The following JAKMIP1 variants were observed in gnomAD, a reference collection of about 807,000 sequenced individuals.
JAKMIP1 encodes the protein janus kinase and microtubule interacting protein 1, also known as janus kinase and microtubule-interacting protein 1.
Under a neutral mutation model 113.0 loss-of-function variants are expected in JAKMIP1, and 33 were observed. The ratio of observed to expected loss-of-function variants is 0.29; its 90% CI spans 0.22 to 0.39. JAKMIP1 has a LOEUF of 0.39. JAKMIP1 is among the 10% of genes least tolerant of loss of function. The pLI is 1.00. For missense variants in JAKMIP1, 813 were observed against 1,080.5 expected, an observed-to-expected ratio of 0.75 and a Z score of 3.47; for synonymous variants, 480 against 459.9, an observed-to-expected ratio of 1.04 and a Z score of -0.56.
chr4:6,112,405 G>C (rs1715080026), intron 2 of JAKMIP1, among the ~76,000 whole-genome samples: 1 of 152,170 alleles, frequency 6.6e-6, no homozygotes, highest in South Asian at 2.1e-4. Flanking sequence ...TCCTCGAATC[G>C]TTCTTTGCTC....
At chr4:6,119,755 C>A (rs1448304081) in intron 1 of JAKMIP1, among the ~76,000 whole-genome samples, 1 of 152,194 alleles carries the variant, frequency 6.6e-6, no homozygotes, top group Non-Finnish European at 1.5e-5. Flanking sequence ...AGTCACAATT[C>A]ACAACCTGCA....
At chr4:6,110,406 C>T (rs1294203506) in intron 2 of JAKMIP1, among the ~76,000 whole-genome samples, 1 of 151,554 alleles carries the variant, frequency 6.6e-6, no homozygotes, top group Non-Finnish European at 1.5e-5. Flanking sequence ...CAGCAATCGT[C>T]TGTTGCGTAA....
chr4:6,050,720 T>C lies in JAKMIP1; in HGVS notation c.1807-41A>G. On this transcript the variant is annotated intron_variant, in intron 13 of 20. Coordinates refer to ENST00000409021, the MANE Select transcript of JAKMIP1 (RefSeq NM_001099433.2). This position sits in a 1 kb window ranked among gnomAD's most constrained non-coding sequence, Gnocchi z 7.4. ...GGTTTAAAAACAGAATGTGACCGGA[T>C]TATTTACCACTTGCCATTTTCCCAC... 6.8e-7 allele frequency: 1 copy of C among 1,462,098 alleles called. No homozygotes were observed. Among genetic ancestry groups the C allele is most frequent in the Non-Finnish European group, 9.4e-7 (1 of 1,066,278 alleles). The allele number at this position is 1,462,098 out of a possible 1,614,324, so 90.6% of individuals were successfully genotyped here.
At chr4:6,105,361 G>T in intron 3 of JAKMIP1, 112 bp downstream of exon 3, 1 of 1,167,922 alleles carries the variant, frequency 8.6e-7, no homozygotes, top group Non-Finnish European at 1.2e-6. Context: ...TGGGGCCCCA[G>T]TGCTTTGAAC....
chr4:6,049,519 G>T lies in JAKMIP1; in HGVS notation c.1962+300C>A, dbSNP rs1715397076. ...AGCTCATCTTTCAGGACGGCAAAAA[G>T]ATCCCTTTCTGATTTCAGCAATCTC... On this transcript the variant is annotated intron_variant, in intron 15 of 20. Coordinates refer to ENST00000409021, the MANE Select transcript of JAKMIP1 (RefSeq NM_001099433.2). This position sits in a 1 kb window ranked among gnomAD's most constrained non-coding sequence, Gnocchi z 7.0. Among the ~76,000 whole-genome samples the T allele has an allele frequency of 6.6e-6, 1 of 152,008 alleles. No homozygotes were observed. The highest frequency in any genetic ancestry group is 1.5e-5 in the Non-Finnish European group (1 of 68,008).
Position 6,181,133 on chromosome 4 carries a change from G to A in JAKMIP1, c.-148+19120C>T, listed in dbSNP as rs77304256. ...ACATCCTTTCTATACTCACCACCCC[G>A]TGTGGGCTTGATATGACTAGATGCT... On this transcript the variant is annotated intron_variant, in intron 1 of 20. Coordinates refer to ENST00000409021, the MANE Select transcript of JAKMIP1 (RefSeq NM_001099433.2). The surrounding 1 kb of genome is among the most constrained non-coding windows in gnomAD (Gnocchi z 5.4). 7.8e-4 allele frequency among the ~76,000 whole-genome samples: 118 copies of A among 152,150 alleles called. No homozygotes were observed. The highest frequency in any genetic ancestry group is 3.4e-3 in the Middle Eastern group (1 of 294).
intron 20 of JAKMIP1, among the ~76,000 whole-genome samples, chr4:6,029,494 C>T (rs377046943): frequency 9.9e-5 from 15 of 152,236 alleles, no homozygotes; most frequent in African/African-American, 2.2e-4. Flanking sequence ...GAGTTGGCCC[C>T]GGCCTGAAGA....
chr4:6,097,822 A>G lies in JAKMIP1; in HGVS notation c.624+7651T>C, dbSNP rs1578222308. Among the ~76,000 whole-genome samples, 1 of 152,218 alleles carries G rather than the reference A, an allele frequency of 6.6e-6. No homozygotes were observed. The highest frequency in any genetic ancestry group is 2.4e-5 in the African/African-American group (1 of 41,456). On this transcript the variant is annotated intron_variant, in intron 3 of 20. Coordinates refer to ENST00000409021, the MANE Select transcript of JAKMIP1 (RefSeq NM_001099433.2). This position sits in a 1 kb window ranked among gnomAD's most constrained non-coding sequence, Gnocchi z 4.3. Reference sequence around the variant, plus strand: ...TCCTTAGGCAGCTTGGAGAAACGCAATCTGGTTCCCTTGATCAAAAGCACC... The same window carrying G: ...TCCTTAGGCAGCTTGGAGAAACGCAGTCTGGTTCCCTTGATCAAAAGCACC...
In JAKMIP1 at chr4:6,048,907, C is replaced by T. The variant is rs781633336; in HGVS notation, c.1978G>A (p.Glu660Lys). Reference protein sequence around the residue: ...LGDNGNLRNEEQVAIIQAGTV... With the variant: ...LGDNGNLRNEKQVAIIQAGTV... ...CCAGCTTGGATTATTGCAACCTGTTCTTCATTTCTCAAATTCTAAAACACA... is the reference window on the plus strand; with the variant it reads ...CCAGCTTGGATTATTGCAACCTGTTTTTCATTTCTCAAATTCTAAAACACA... The change falls in exon 16 of 21, where the codon GAA (glutamate) becomes AAA (lysine). Residue 660 changes from glutamate to lysine, a missense_variant. By Grantham distance (56) the Glu-to-Lys change is moderately conservative (BLOSUM62 1). This residue lies in a region of JAKMIP1 where 273 missense variants were observed against 426.6 expected (regional missense o/e 0.64). Transcript: ENST00000409021. 1 of 1,613,878 alleles carries T rather than the reference C, an allele frequency of 6.2e-7. No homozygotes were observed. Among genetic ancestry groups the T allele is most frequent in the Non-Finnish European group, 8.5e-7 (1 of 1,179,792 alleles).
At chr4:6,045,469 G>C (rs1714865454) in intron 16 of JAKMIP1, among the ~76,000 whole-genome samples, 1 of 152,218 alleles carries the variant, frequency 6.6e-6, no homozygotes, top group African/African-American at 2.4e-5. Context: ...GGCCTCAGTG[G>C]GCGGAGATGA....
At position 6,086,825 on chromosome 4, in the gene JAKMIP1, G is replaced by C. The variant is rs532846008; in HGVS notation, c.625-1196C>G. 2.6e-5 allele frequency among the ~76,000 whole-genome samples: 4 copies of C among 152,234 alleles called. No individual in the cohort carries two copies. In the East Asian group the frequency reaches 7.8e-4, roughly 30 times the overall value. Reference sequence around the variant, plus strand: ...CTTATGAGAGGAGAAGAGAGACACAGAGGGGAAGGCCGTGTAAGGACGGAG... The same window carrying C: ...CTTATGAGAGGAGAAGAGAGACACACAGGGGAAGGCCGTGTAAGGACGGAG... On this transcript the variant is annotated intron_variant, in intron 3 of 20. Coordinates refer to ENST00000409021, the MANE Select transcript of JAKMIP1 (RefSeq NM_001099433.2). This position sits in a 1 kb window ranked among gnomAD's most constrained non-coding sequence, Gnocchi z 4.1.
rs1439267764 is a variant in JAKMIP1 at position 6,140,592 on chromosome 4, C to T, written c.-147-27595G>A. Among the ~76,000 whole-genome samples the T allele has an allele frequency of 6.6e-6, 1 of 152,140 alleles. No individual in the cohort carries two copies. Among genetic ancestry groups the T allele is most frequent in the African/African-American group, 2.4e-5 (1 of 41,394 alleles). On this transcript the variant is annotated intron_variant, in intron 1 of 20. Transcript: ENST00000409021. This position sits in a 1 kb window ranked among gnomAD's most constrained non-coding sequence, Gnocchi z 9.4. The stretch of plus-strand genomic sequence containing the variant: ...TGACAGTGGTTCACAGCGTAAGGAC[C>T]TCTGTCCCCACTGCTCCTGGAGGGG...
At chr4:6,165,326 C>T (rs1388710098) in intron 1 of JAKMIP1, among the ~76,000 whole-genome samples, 1 of 152,218 alleles carries the variant, frequency 6.6e-6, no homozygotes, top group Non-Finnish European at 1.5e-5. Context: ...GGCTCTGTAG[C>T]CCAGGCTGGA....
intron 1 of JAKMIP1, among the ~76,000 whole-genome samples, chr4:6,152,370 C>T (rs1168559423): frequency 6.6e-6 from 1 of 152,094 alleles, no homozygotes; most frequent in African/African-American, 2.4e-5. Flanking sequence ...AGCCTGTAGC[C>T]CCAGCTCCTA....
At position 6,135,269 on chromosome 4, in the gene JAKMIP1, T is replaced by G. The variant is rs990691226; in HGVS notation, c.-147-22272A>C. Among the ~76,000 whole-genome samples, 1 of 152,072 alleles carries G rather than the reference T, an allele frequency of 6.6e-6. No homozygotes were observed. ...GGCTGTGGATTAGGGTGGGACCTAA[T>G]CCAAGATGACGGATGTCCTAACAAT... On this transcript the variant is annotated intron_variant, in intron 1 of 20. Coordinates refer to ENST00000409021, the MANE Select transcript of JAKMIP1 (RefSeq NM_001099433.2). The surrounding 1 kb of genome is among the most constrained non-coding windows in gnomAD (Gnocchi z 4.9).
intron 1 of JAKMIP1, among the ~76,000 whole-genome samples, chr4:6,144,504 T>A (rs111233478): frequency 2.0e-5 from 3 of 152,180 alleles, no homozygotes; most frequent in Admixed American, 2.0e-4. Flanking sequence ...AACCAAATCC[T>A]GCAATATATA....
rs1413638696 is a variant in JAKMIP1, at chr4:6,188,523, C to T, written c.-148+11730G>A. 2.0e-5 allele frequency among the ~76,000 whole-genome samples: 3 copies of T among 152,076 alleles called. No individual in the cohort carries two copies. The East Asian group carries it at 5.8e-4, about 29-fold the overall frequency. ...ACTTAATACACCCCAAACCTCCTTG[C>T]CACTTGACCTCTTAGCATACCCCCA... is the stretch of plus-strand genomic sequence containing the variant. On this transcript the variant is annotated intron_variant, in intron 1 of 20. Transcript: ENST00000409021. The surrounding 1 kb of genome is among the most constrained non-coding windows in gnomAD (Gnocchi z 5.8).
chr4:6,191,919 T>TTATTTATTTATTTATA (rs1396388658), intron 1 of JAKMIP1, among the ~76,000 whole-genome samples: 1 of 148,982 alleles, frequency 6.7e-6, no homozygotes, highest in Non-Finnish European at 1.5e-5. Flanking sequence ...TGCATTTTAT[T>TTATTTATTTATTTATA]TATTTATTTA....
At chr4:6,053,898 TAAA>T in intron 13 of JAKMIP1, 149 bp downstream of exon 13, 1 of 1,192,696 alleles carries the variant, frequency 8.4e-7, no homozygotes. Context: ...CATACAGATT[TAAA>T]AAAAAAAAGA....
Sources: gnomAD v4.1 joint callset for allele counts (sites outside exome capture counted in the v4.1 genomes callset) on GRCh38, gnomAD v4.1.1 for gene constraint, gnomAD v4.1.1 regional missense constraint, Gnocchi (gnomAD v3.1) non-coding constraint, MANE v1.5 for transcripts, NCBI Gene and HGNC (gene_info 2026-07-23, HGNC 2026-07-21) for gene names.